The following CSGALNACT1 variants were observed in gnomAD, a reference collection of about 807,000 sequenced individuals.
CSGALNACT1 encodes beta4GalNAcT-1.
In CSGALNACT1, 52 loss-of-function variants were observed where a neutral mutation model predicts 51.0. The observed-to-expected ratio is 1.02, with a 90% confidence interval of 0.82 to 1.29. The LOEUF is 1.29. Ranked by LOEUF, CSGALNACT1 falls within the 50% of genes most tolerant of loss-of-function variation. The pLI is 0.00. For missense variants in CSGALNACT1, 935 were observed against 679.2 expected, an observed-to-expected ratio of 1.38 and a Z score of -4.19; for synonymous variants, 341 against 254.4, an observed-to-expected ratio of 1.34 and a Z score of -3.24.
chr8:19,451,216 G>C (rs1296038116), intron 5 of CSGALNACT1, among the ~76,000 whole-genome samples: 2 of 152,130 alleles, frequency 1.3e-5, no homozygotes, highest in African/African-American at 4.8e-5. Context: ...CATTAAATAT[G>C]AACAGCTGGA....
At chr8:19,755,475 A>AAAAAAAAAAAAAAAAAAAAAC (rs1277905827) in intron 1 of CSGALNACT1, among the ~76,000 whole-genome samples, 1 of 149,422 alleles carries the variant, frequency 6.7e-6, no homozygotes, top group Admixed American at 6.6e-5. Flanking sequence ...AAAAAAAAAA[A>AAAAAAAAAAAAAAAAAAAAAC]AAAAAAGACA....
At chr8:19,414,156 T>C (rs80008749) in intron 8 of CSGALNACT1, among the ~76,000 whole-genome samples, 2 of 152,184 alleles carry the variant, frequency 1.3e-5, no homozygotes, top group East Asian at 3.9e-4. Flanking sequence ...CAGGTCTTTC[T>C]CCTGCACCCC....
intron 1 of CSGALNACT1, among the ~76,000 whole-genome samples, chr8:19,669,631 T>C (rs2059637477): frequency 6.6e-6 from 1 of 151,254 alleles, no homozygotes; most frequent in South Asian, 2.1e-4. Context: ...TTTTTGTTTG[T>C]TTGTTTTTGT....
At chr8:19,554,010 C>T (rs79975056) in intron 3 of CSGALNACT1, among the ~76,000 whole-genome samples, 3,720 of 151,912 alleles carry the variant, frequency 0.024, 164 homozygotes, top group African/African-American at 0.085. Flanking sequence ...CATCTAATTT[C>T]CAGTTTGTCC....
At chr8:19,513,885 C>T (rs893310501) in intron 3 of CSGALNACT1, among the ~76,000 whole-genome samples, 2 of 152,014 alleles carry the variant, frequency 1.3e-5, no homozygotes, top group Non-Finnish European at 2.9e-5. Flanking sequence ...GTATTCGGTC[C>T]ACTGACAAAA....
chr8:19,607,920 G>T (rs2051626173), intron 1 of CSGALNACT1, among the ~76,000 whole-genome samples: 1 of 152,222 alleles, frequency 6.6e-6, no homozygotes, highest in South Asian at 2.1e-4. Flanking sequence ...ACCGATTAAT[G>T]ATGAAAATGC....
chr8:19,522,244 C>T (rs2080875779), intron 3 of CSGALNACT1, among the ~76,000 whole-genome samples: 2 of 152,168 alleles, frequency 1.3e-5, no homozygotes, highest in Non-Finnish European at 2.9e-5. Flanking sequence ...AGAAAACTAC[C>T]ACCAAGAAAT....
At chr8:19,454,980 T>C (rs114466863) in intron 5 of CSGALNACT1, among the ~76,000 whole-genome samples, 2 of 152,214 alleles carry the variant, frequency 1.3e-5, no homozygotes, top group African/African-American at 4.8e-5. Flanking sequence ...TAAGTAGAAA[T>C]AGAATGTATA....
chr8:19,573,860 A>G (rs1343696132), intron 3 of CSGALNACT1, among the ~76,000 whole-genome samples: 2 of 152,196 alleles, frequency 1.3e-5, no homozygotes, highest in South Asian at 2.1e-4. Context: ...GAAGAAAAGG[A>G]GTAAGAGTCC....
At chr8:19,420,640 G>A in intron 6 of CSGALNACT1, 122 bp from the exon 6 acceptor site, 1 of 1,025,530 alleles carries the variant, frequency 9.8e-7, no homozygotes, top group Non-Finnish European at 1.5e-6. Flanking sequence ...TGAGGGCACT[G>A]GGACTCCCCA....
intron 9 of CSGALNACT1, among the ~76,000 whole-genome samples, chr8:19,407,907 G>T (rs753736808): frequency 3.1e-3 from 147 of 47,116 alleles, no homozygotes; most frequent in African/African-American, 0.01. Context: ...TATATGAATT[G>T]TGTGTGTGTG....
chr8:19,741,420 G>A lies in CSGALNACT1; in HGVS notation c.-297+16430C>T, dbSNP rs150515377. 7.0e-3 allele frequency among the ~76,000 whole-genome samples: 1,067 copies of A among 152,186 alleles called. 15 individuals are homozygous for A. The highest frequency in any genetic ancestry group is 0.024 in the African/African-American group (996 of 41,528). On this transcript the variant is annotated intron_variant, in intron 1 of 1. Transcript: ENST00000517494. ...TCTACTAAAAATACAAAAATTAGCC[G>A]GGCGTGGTGGCACACACCTGTAATT... is the stretch of plus-strand genomic sequence containing the variant.
In CSGALNACT1 at chr8:19,609,597, C is replaced by G. The variant is rs10100290; in HGVS notation, c.-543-7732G>C. Among the ~76,000 whole-genome samples the G allele has an allele frequency of 6.5e-3, 972 of 150,584 alleles. 14 individuals carry two copies. The highest frequency in any genetic ancestry group is 0.023 in the African/African-American group (921 of 40,836). On this transcript the variant is annotated intron_variant, in intron 1 of 9. Coordinates refer to the CSGALNACT1 transcript ENST00000332246. ...AGAAACCCAACAAATAGAATACATACTGTATGATTCCATTCATATACAATT... is the reference window on the plus strand; with the variant it reads ...AGAAACCCAACAAATAGAATACATAGTGTATGATTCCATTCATATACAATT...
At chr8:19,494,521 T>C (rs1298171544) in intron 4 of CSGALNACT1, among the ~76,000 whole-genome samples, 1 of 152,214 alleles carries the variant, frequency 6.6e-6, no homozygotes, top group Non-Finnish European at 1.5e-5. Context: ...AGGCAGGGAC[T>C]ATATTGTCTA....
intron 1 of CSGALNACT1, among the ~76,000 whole-genome samples, chr8:19,668,361 A>C (rs959142315): frequency 7.4e-6 from 1 of 135,878 alleles, no homozygotes; most frequent in Admixed American, 7.5e-5. Flanking sequence ...CACACACACA[A>C]CTTTATCAAA....
chr8:19,481,415 A>G (rs554058673), intron 4 of CSGALNACT1, among the ~76,000 whole-genome samples: 17 of 152,274 alleles, frequency 1.1e-4, no homozygotes, highest in African/African-American at 4.1e-4. Context: ...GGCCTAACAA[A>G]TGGGAAGGTG....
chr8:19,491,690 G>C (rs578172152), intron 4 of CSGALNACT1, among the ~76,000 whole-genome samples: 137 of 152,312 alleles, frequency 9.0e-4, no homozygotes, highest in South Asian at 7.2e-3. Flanking sequence ...GTTTCAGCAA[G>C]AATTTATGTC....
chr8:19,526,514 C>T (rs111894736), intron 3 of CSGALNACT1, among the ~76,000 whole-genome samples: 24 of 152,172 alleles, frequency 1.6e-4, no homozygotes, highest in African/African-American at 4.1e-4. Context: ...ACCTGGGAGG[C>T]GGAGGTTGCA....
rs577032696 is a variant in CSGALNACT1 at position 19,512,848 on chromosome 8, T to A, written c.-296-6718A>T. On this transcript the variant is annotated intron_variant, in intron 3 of 9. Transcript: ENST00000454498. ...AGGGACTTTAGGAAATCTGTAAAGT[T>A]AAAACAGAGGAACACTGTTTCCAGA... Among the ~76,000 whole-genome samples the A allele has an allele frequency of 2.0e-5, 3 of 152,320 alleles. No individual in the cohort carries two copies. The South Asian group carries it at 6.2e-4, about 32-fold the overall frequency.
Sources: gnomAD v4.1 joint callset for allele counts (sites outside exome capture counted in the v4.1 genomes callset) on GRCh38, gnomAD v4.1.1 for gene constraint, MANE v1.5 for transcripts, NCBI Gene and HGNC (gene_info 2026-07-23, HGNC 2026-07-21) for gene names.